The following ADGRL3 variants were observed in gnomAD, a reference collection of about 807,000 sequenced individuals.
ADGRL3 encodes adhesion G protein-coupled receptor L3.
A neutral mutation model predicts 153.5 loss-of-function variants in ADGRL3; 62 were observed. The ratio of observed to expected loss-of-function variants is 0.40; its 90% CI spans 0.33 to 0.50. The LOEUF (loss-of-function observed/expected upper bound fraction) is 0.50, where lower values mean the gene tolerates loss of function less well. Ranked by LOEUF, ADGRL3 falls within the 20% of genes least tolerant of loss-of-function variation. The probability of loss-of-function intolerance (pLI) is 0.47; values close to 1 mark genes in which losing one functional copy is unlikely to be tolerated. For synonymous variants in ADGRL3, 710 were observed against 672.5 expected (o/e 1.06, Z -0.86); for missense variants, 1,641 against 1,859.4 (o/e 0.88, Z 2.16).
chr4:61,982,733 C>G (rs767400509), intron 18 of ADGRL3, among the ~76,000 whole-genome samples: 70 of 152,226 alleles, frequency 4.6e-4, no homozygotes, highest in Non-Finnish European at 9.3e-4. Flanking sequence ...AACAAAAAAT[C>G]AGAGAAAGAA....
At chr4:61,332,093 G>A (rs2095584598) in intron 1 of ADGRL3, among the ~76,000 whole-genome samples, 1 of 152,042 alleles carries the variant, frequency 6.6e-6, no homozygotes, top group South Asian at 2.1e-4. Context: ...AACTTGTAAG[G>A]AAACTAGGAA....
At position 61,876,283 on chromosome 4, in the gene ADGRL3, A is replaced by T. The variant is rs11726186; in HGVS notation, c.1481-16373A>T. Among the ~76,000 whole-genome samples, 283 of 150,362 alleles carry T rather than the reference A, an allele frequency of 1.9e-3. 4 individuals are homozygous for T. The South Asian group carries it at 0.033, about 17-fold the overall frequency. ...ATCATTCATAAGTCTATTTTATCCA[A>T]TTTTGTTTTTTTTTTTAAGGGAACA... On this transcript the variant is annotated intron_variant, in intron 9 of 26. Transcript: ENST00000683033.
At chr4:61,787,854 G>T (rs910608643) in intron 8 of ADGRL3, among the ~76,000 whole-genome samples, 1 of 151,934 alleles carries the variant, frequency 6.6e-6, no homozygotes, top group East Asian at 1.9e-4. Context: ...TCCAGAAAAG[G>T]TTTAAGATGC....
intron 5 of ADGRL3, among the ~76,000 whole-genome samples, chr4:61,596,012 C>T (rs1304531005): frequency 6.6e-6 from 1 of 152,100 alleles, no homozygotes; most frequent in African/African-American, 2.4e-5. Context: ...CTCTCTGTGC[C>T]TCATGACCAC....
At chr4:61,826,435 A>G (rs1452736572) in intron 9 of ADGRL3, among the ~76,000 whole-genome samples, 5 of 152,212 alleles carry the variant, frequency 3.3e-5, no homozygotes, top group African/African-American at 1.2e-4. Context: ...TGGAGTACAC[A>G]TTCTAGACAA....
intron 4 of ADGRL3, among the ~76,000 whole-genome samples, chr4:61,572,616 C>T (rs2098843749): frequency 6.6e-6 from 1 of 151,778 alleles, no homozygotes; most frequent in Non-Finnish European, 1.5e-5. Flanking sequence ...TTTCCTAATC[C>T]TTAGAAATTT....
chr4:61,386,626 G>C (rs2096739616), intron 2 of ADGRL3, among the ~76,000 whole-genome samples: 1 of 152,150 alleles, frequency 6.6e-6, no homozygotes, highest in Non-Finnish European at 1.5e-5. Context: ...AAAGTCATTA[G>C]AGAAAGTGTA....
chr4:61,362,024 A>G (rs2096290666), intron 1 of ADGRL3, among the ~76,000 whole-genome samples: 1 of 150,052 alleles, frequency 6.7e-6, no homozygotes, highest in South Asian at 2.1e-4. Context: ...ATAAATTGCA[A>G]CAGAGTCTTG....
At chr4:61,838,433 AT>A (rs2097970927) in intron 9 of ADGRL3, among the ~76,000 whole-genome samples, 1 of 152,188 alleles carries the variant, frequency 6.6e-6, no homozygotes, top group African/African-American at 2.4e-5. Flanking sequence ...CATTTGCCTT[AT>A]TTAGGATTCT....
At chr4:61,807,560 A>G (rs900851909) in intron 8 of ADGRL3, among the ~76,000 whole-genome samples, 2 of 152,144 alleles carry the variant, frequency 1.3e-5, no homozygotes, top group African/African-American at 2.4e-5. Flanking sequence ...TCTCACGCCA[A>G]TGTAGTTTCA....
At chr4:61,320,338 T>A (rs1448946677) in intron 1 of ADGRL3, among the ~76,000 whole-genome samples, 1 of 152,206 alleles carries the variant, frequency 6.6e-6, no homozygotes, top group East Asian at 1.9e-4. Context: ...TATCAGTGTG[T>A]CATTCCTACT....
intron 4 of ADGRL3, among the ~76,000 whole-genome samples, chr4:61,523,733 A>G (rs922911123): frequency 2.0e-5 from 3 of 152,080 alleles, no homozygotes; most frequent in African/African-American, 7.2e-5. Flanking sequence ...GATGTATCCA[A>G]TTGAAAATAA....
At chr4:61,255,383 A>T (rs908318454) in intron 1 of ADGRL3, among the ~76,000 whole-genome samples, 61 of 151,866 alleles carry the variant, frequency 4.0e-4, no homozygotes, top group Admixed American at 8.5e-4. Flanking sequence ...TTTCTGTAAA[A>T]TTTTTTTTTC....
chr4:61,402,473 T>G (rs1286975533), intron 2 of ADGRL3, among the ~76,000 whole-genome samples: 3 of 152,098 alleles, frequency 2.0e-5, no homozygotes, highest in African/African-American at 4.8e-5. Flanking sequence ...TTATTCAAGT[T>G]GAGAGCTAGA....
chr4:61,826,973 G>A (rs922172890), intron 9 of ADGRL3, among the ~76,000 whole-genome samples: 4 of 151,964 alleles, frequency 2.6e-5, no homozygotes, highest in African/African-American at 7.3e-5. Context: ...CGAAGATTCC[G>A]TTTCGTTCTT....
At chr4:61,812,258 C>A (rs1398304770) in intron 8 of ADGRL3, among the ~76,000 whole-genome samples, 1 of 152,050 alleles carries the variant, frequency 6.6e-6, no homozygotes, top group Non-Finnish European at 1.5e-5. Flanking sequence ...GTGCAATATT[C>A]TTAGTTACCA....
intron 1 of ADGRL3, among the ~76,000 whole-genome samples, chr4:61,343,392 C>T (rs1027048795): frequency 6.6e-6 from 1 of 152,164 alleles, no homozygotes. Flanking sequence ...CTTTTTCTTA[C>T]AGCCTTGCAA....
chr4:61,819,140 C>A (rs2097722058), intron 9 of ADGRL3, among the ~76,000 whole-genome samples: 1 of 152,032 alleles, frequency 6.6e-6, no homozygotes, highest in Non-Finnish European at 1.5e-5. Flanking sequence ...ATTATACATG[C>A]AAAATGTACA....
chr4:61,638,484 T>G (rs545338168), intron 5 of ADGRL3, among the ~76,000 whole-genome samples: 4 of 152,266 alleles, frequency 2.6e-5, no homozygotes, highest in South Asian at 4.1e-4. Context: ...AATCACTTTG[T>G]TTTTGGTATG....
Sources: allele counts gnomAD v4.1 joint callset (sites outside exome capture counted in the v4.1 genomes callset), GRCh38; gene constraint gnomAD v4.1.1; transcripts MANE v1.5; gene names NCBI Gene and HGNC (gene_info 2026-07-23, HGNC 2026-07-21).